Variants in NLRP8 observed in about 807,000 individuals in gnomAD.
NLRP8 encodes NLR family pyrin domain containing 8.
A neutral mutation model predicts 88.7 loss-of-function variants in NLRP8; 86 were observed. The observed-to-expected ratio is 0.97, with a 90% confidence interval of 0.81 to 1.16. NLRP8 has a LOEUF of 1.16. Ranked by LOEUF, NLRP8 falls within the 50% of genes most tolerant of loss-of-function variation. NLRP8 has a pLI of 0.00. For missense variants in NLRP8, 1,342 were observed against 1,286.5 expected, an observed-to-expected ratio of 1.04 and a Z score of -0.66; for synonymous variants, 504 against 494.6, an observed-to-expected ratio of 1.02 and a Z score of -0.25.
At position 55,953,459 on chromosome 19, in the gene NLRP8, T is replaced by G. The variant is rs117382154; in HGVS notation, c.442+847T>G. Among the ~76,000 whole-genome samples the G allele has an allele frequency of 9.9e-3, 1,508 of 152,052 alleles. 51 individuals are homozygous for G. The highest frequency in any genetic ancestry group is 0.06 in the East Asian group (312 of 5,160). ...AACTTGTCTTCCACTTGGGGACCAC[T>G]TCAATAGAGTGTGTCTCTATTTCTT... On this transcript the variant is annotated intron_variant, in intron 2 of 9. Coordinates refer to ENST00000291971, the MANE Select transcript of NLRP8 (RefSeq NM_176811.2).
At chr19:55,967,857 C>G (rs887603950) in intron 5 of NLRP8, among the ~76,000 whole-genome samples, 8 of 152,236 alleles carry the variant, frequency 5.3e-5, no homozygotes, top group Non-Finnish European at 1.2e-4. Context: ...CATAGATTAT[C>G]AAAATGCATT....
At chr19:55,972,958 C>T (rs1980147075) in intron 6 of NLRP8, among the ~76,000 whole-genome samples, 1 of 152,012 alleles carries the variant, frequency 6.6e-6, no homozygotes, top group Non-Finnish European at 1.5e-5. Context: ...ATAATGACTT[C>T]TTTTCCTCTG....
intron 2 of NLRP8, among the ~76,000 whole-genome samples, chr19:55,952,884 G>A (rs1041594787): frequency 2.6e-5 from 4 of 151,946 alleles, no homozygotes; most frequent in South Asian, 2.1e-4. Context: ...GTGAGATCAC[G>A]CCACTGCACT....
Position 55,954,614 on chromosome 19 carries a change from G to A in NLRP8, c.556G>A (p.Glu186Lys), listed in dbSNP as rs375192759. The change falls in exon 3 of 10, where the codon GAG becomes AAG. Residue 186 changes from glutamate to lysine, a missense_variant. Transcript: ENST00000291971. ...CTTCTACCAAGGTGTACACAGGCACGAGGAGTACTTACCATGTCTGCTTCT... is the reference window on the plus strand; with the variant it reads ...CTTCTACCAAGGTGTACACAGGCACAAGGAGTACTTACCATGTCTGCTTCT... The A allele has an allele frequency of 1.9e-5, 31 of 1,614,180 alleles. No homozygotes were observed. Among genetic ancestry groups the A allele is most frequent in the South Asian group, 9.9e-5 (9 of 91,078 alleles).
At chr19:55,981,706 T>G (rs1343563294) in intron 9 of NLRP8, among the ~76,000 whole-genome samples, 1 of 152,216 alleles carries the variant, frequency 6.6e-6, no homozygotes, top group African/African-American at 2.4e-5. Context: ...AATCACCTCA[T>G]GTTTAAGGAG....
chr19:55,972,321 G>A (rs1188454969), intron 6 of NLRP8, among the ~76,000 whole-genome samples: 1 of 151,476 alleles, frequency 6.6e-6, no homozygotes, highest in African/African-American at 2.4e-5. Context: ...TGCCACGTTG[G>A]CCAGGCTGGT....
intron 5 of NLRP8, 145 bp downstream of exon 5, chr19:55,966,525 G>T: frequency 1.3e-6 from 1 of 788,354 alleles, no homozygotes; most frequent in Non-Finnish European, 1.9e-6. Flanking sequence ...AATTTGGGCC[G>T]GGCGCGGTGG....
chr19:55,952,466 T>C, intron 1 of NLRP8, 72 bp from the exon 2 acceptor site: 1 of 1,271,276 alleles, frequency 7.9e-7, no homozygotes, highest in Admixed American at 1.7e-5. Context: ...AAAAGGCCAT[T>C]GGCTCCATGC....
At chr19:55,963,497 G>A (rs543296566) in intron 4 of NLRP8, among the ~76,000 whole-genome samples, 1 of 152,254 alleles carries the variant, frequency 6.6e-6, no homozygotes, top group East Asian at 1.9e-4. Flanking sequence ...CACCAAAGAG[G>A]GCACATTTGA....
chr19:55,954,636 T>G lies in NLRP8; in HGVS notation c.578T>G (p.Leu193Arg). Residue 193 changes from leucine (L) to arginine (R), a missense_variant, in exon 3 of 10, where the codon CTT (leucine) becomes CGT (arginine). Coordinates refer to ENST00000291971, the MANE Select transcript of NLRP8 (RefSeq NM_176811.2). Reference sequence around the variant, plus strand: ...CACGAGGAGTACTTACCATGTCTGCTTCTGCCCAAAAGACCCCAGGGTAGA... The same window carrying G: ...CACGAGGAGTACTTACCATGTCTGCGTCTGCCCAAAAGACCCCAGGGTAGA... The G allele has an allele frequency of 6.2e-7, 1 of 1,614,200 alleles. No individual in the cohort carries two copies.
chr19:55,972,114 ATTTTT>A (rs60245156), intron 6 of NLRP8, among the ~76,000 whole-genome samples: 2,704 of 128,350 alleles, frequency 0.021, 75 homozygotes, highest in Admixed American at 0.058. Context: ...CTATGTTTTA[ATTTTT>A]TTTTTTTTTT....
At chr19:55,978,476 G>T (rs1980441295) in intron 8 of NLRP8, among the ~76,000 whole-genome samples, 1 of 151,886 alleles carries the variant, frequency 6.6e-6, no homozygotes, top group Non-Finnish European at 1.5e-5. Flanking sequence ...GAGAGCCTTA[G>T]TGCTGGGGGG....
rs189461138 is a variant in NLRP8, at chr19:55,959,679, G to A, written c.2043-2388G>A. ...CCCAATAACCAGATGCAGATGAACT[G>A]GGAAACAAGAGAGTCTATTTCTGTA... On this transcript the variant is annotated intron_variant, in intron 3 of 9. Coordinates refer to ENST00000291971, the MANE Select transcript of NLRP8 (RefSeq NM_176811.2). 5.1e-3 allele frequency among the ~76,000 whole-genome samples: 771 copies of A among 152,252 alleles called. 4 individuals carry two copies. Among genetic ancestry groups the A allele is most frequent in the South Asian group, 0.012 (57 of 4,818 alleles).
chr19:55,958,608 G>C (rs760852745), intron 3 of NLRP8, among the ~76,000 whole-genome samples: 8 of 152,172 alleles, frequency 5.3e-5, no homozygotes, highest in Non-Finnish European at 1.0e-4. Context: ...CGGCAGGACT[G>C]AGTCATTGCC....
chr19:55,987,706 G>A, intron 9 of NLRP8: 1 of 751,474 alleles, frequency 1.3e-6, no homozygotes, highest in Non-Finnish European at 2.4e-6. Flanking sequence ...GGTGAGGTGG[G>A]AGGGGTACGG....
intron 2 of NLRP8, 105 bp from the exon 3 acceptor site, chr19:55,954,396 A>C (rs576891013): frequency 8.9e-7 from 1 of 1,122,868 alleles, no homozygotes; most frequent in East Asian, 2.4e-5. Flanking sequence ...CAAGGGCATC[A>C]CGGGGCTTCA....
In NLRP8 at chr19:55,973,825, A is replaced by T; in HGVS notation, c.2705+3A>T. 2 of 1,605,780 alleles carry T rather than the reference A, an allele frequency of 1.2e-6. No individual in the cohort carries two copies. Among genetic ancestry groups the T allele is most frequent in the Non-Finnish European group, 1.7e-6 (2 of 1,174,188 alleles). ...AGATGTCCTCTGCAGAGGCTGGTGT[A>T]AGTCCCAGAATGTTTTCTTCTCTGA... is the stretch of plus-strand genomic sequence containing the variant. On this transcript the variant is annotated splice_donor_region_variant and intron_variant, in intron 7 of 9. Coordinates refer to ENST00000291971, the MANE Select transcript of NLRP8 (RefSeq NM_176811.2).
At chr19:55,964,723 G>A (rs1373182952) in intron 4 of NLRP8, among the ~76,000 whole-genome samples, 6 of 150,084 alleles carry the variant, frequency 4.0e-5, no homozygotes, top group Non-Finnish European at 3.0e-5. Flanking sequence ...CTGCACTCCA[G>A]CCTGGGTAAC....
Position 55,956,050 on chromosome 19 carries a change from G to A in NLRP8, c.1992G>A (p.Leu664=), listed in dbSNP as rs375313518. The A allele has an allele frequency of 8.7e-6, 14 of 1,613,954 alleles. No homozygotes were observed. In the African/African-American group the frequency reaches 1.9e-4, roughly 22 times the overall value. The change falls in exon 3 of 10, where the codon CTG becomes CTA. Residue 664 remains leucine (L), a synonymous_variant. Coordinates refer to ENST00000291971, the MANE Select transcript of NLRP8 (RefSeq NM_176811.2). ...ATGAGGTGGAACTGACCGTCACCCT[G>A]AACTTCATGAACGTGTGGAAGCTCA... is the stretch of plus-strand genomic sequence containing the variant.
Sources: allele counts gnomAD v4.1 joint callset (sites outside exome capture counted in the v4.1 genomes callset), GRCh38; gene constraint gnomAD v4.1.1; transcripts MANE v1.5; gene names NCBI Gene and HGNC (gene_info 2026-07-23, HGNC 2026-07-21).